The following ARHGAP26 variants were observed in gnomAD, a reference collection of about 807,000 sequenced individuals.
The protein encoded by ARHGAP26 is Rho GTPase activating protein 26.
ARHGAP26 carries 38 observed loss-of-function variants against 104.8 expected under a neutral mutation model. The ratio of observed to expected loss-of-function variants is 0.36; its 90% CI spans 0.28 to 0.48. ARHGAP26 has a LOEUF of 0.48. Ranked by LOEUF, ARHGAP26 falls within the 20% of genes least tolerant of loss-of-function variation. The pLI is 0.99. For synonymous variants in ARHGAP26, 341 were observed against 340.0 expected (o/e 1.00, Z -0.03); for missense variants, 704 against 947.9 (o/e 0.74, Z 3.38).
chr5:143,214,345 G>A (rs528361338), intron 22 of ARHGAP26, among the ~76,000 whole-genome samples: 1 of 152,322 alleles, frequency 6.6e-6, no homozygotes, highest in African/African-American at 2.4e-5. Flanking sequence ...CACTGTAAAT[G>A]AGATTGTGCC....
intron 17 of ARHGAP26, among the ~76,000 whole-genome samples, chr5:143,085,816 C>A (rs1372248730): frequency 6.6e-6 from 1 of 152,214 alleles, no homozygotes; most frequent in African/African-American, 2.4e-5. Context: ...ACCTCCTTAA[C>A]CGAAAGAATG....
At chr5:142,823,154 G>C (rs772926804) in intron 1 of ARHGAP26, among the ~76,000 whole-genome samples, 7 of 152,176 alleles carry the variant, frequency 4.6e-5, no homozygotes, top group Non-Finnish European at 1.0e-4. Context: ...AGCTGGTGAA[G>C]GTGGAGCTGA....
intron 11 of ARHGAP26, among the ~76,000 whole-genome samples, chr5:142,950,480 T>C (rs1409680110): frequency 6.6e-6 from 1 of 152,192 alleles, no homozygotes; most frequent in East Asian, 1.9e-4. Context: ...GCATGTTCTT[T>C]TTCCTAAACA....
At chr5:143,071,362 A>C (rs983159363) in intron 17 of ARHGAP26, among the ~76,000 whole-genome samples, 2 of 152,238 alleles carry the variant, frequency 1.3e-5, no homozygotes, top group Admixed American at 1.3e-4. Context: ...GGTGCCAAGA[A>C]TACTTACTGG....
intron 17 of ARHGAP26, among the ~76,000 whole-genome samples, chr5:143,111,672 C>T (rs762080745): frequency 2.0e-5 from 3 of 152,168 alleles, no homozygotes; most frequent in African/African-American, 4.8e-5. Context: ...TCTTAGAGAG[C>T]TATTAAATGT....
chr5:142,825,371 C>T (rs1412177848), intron 1 of ARHGAP26, among the ~76,000 whole-genome samples: 6 of 152,140 alleles, frequency 3.9e-5, no homozygotes, highest in Non-Finnish European at 7.3e-5. Context: ...CCCTTCCATC[C>T]ACTGTTGGAG....
intron 10 of ARHGAP26, among the ~76,000 whole-genome samples, chr5:142,923,601 A>C (rs942552803): frequency 2.0e-5 from 3 of 152,182 alleles, no homozygotes; most frequent in African/African-American, 7.2e-5. Flanking sequence ...CTGGCACATA[A>C]TAGGAACTCA....
intron 10 of ARHGAP26, among the ~76,000 whole-genome samples, chr5:142,918,436 C>T (rs1454366735): frequency 2.0e-5 from 3 of 152,222 alleles, no homozygotes; most frequent in Admixed American, 1.3e-4. Context: ...TGTGAGCCAC[C>T]GTGCCCGGCC....
chr5:143,146,558 A>G (rs141943486), intron 19 of ARHGAP26, among the ~76,000 whole-genome samples: 3 of 152,354 alleles, frequency 2.0e-5, no homozygotes, highest in African/African-American at 4.8e-5. Context: ...TGCTGGGACT[A>G]TGGACTCAAG....
At chr5:143,000,454 G>A (rs1006401735) in intron 11 of ARHGAP26, among the ~76,000 whole-genome samples, 8 of 152,168 alleles carry the variant, frequency 5.3e-5, no homozygotes, top group African/African-American at 1.7e-4. Context: ...AGGACTAAAG[G>A]TATTGGTTCA....
intron 20 of ARHGAP26, among the ~76,000 whole-genome samples, chr5:143,184,517 C>T (rs1427815460): frequency 6.6e-6 from 1 of 152,122 alleles, no homozygotes; most frequent in African/African-American, 2.4e-5. Flanking sequence ...CTCATTCATT[C>T]CCTTGCTATA....
At chr5:143,013,084 T>A (rs962822501) in intron 11 of ARHGAP26, among the ~76,000 whole-genome samples, 2 of 152,194 alleles carry the variant, frequency 1.3e-5, no homozygotes, top group Non-Finnish European at 2.9e-5. Flanking sequence ...AAGCCAAGCA[T>A]CATATTTACA....
chr5:142,937,570 C>T (rs1177319688), intron 11 of ARHGAP26, among the ~76,000 whole-genome samples: 4 of 152,150 alleles, frequency 2.6e-5, no homozygotes, highest in African/African-American at 4.8e-5. Flanking sequence ...GAAAACTGTT[C>T]GCACAAAAAC....
intron 1 of ARHGAP26, among the ~76,000 whole-genome samples, chr5:142,814,189 A>T (rs1040520956): frequency 6.6e-6 from 1 of 152,248 alleles, no homozygotes; most frequent in African/African-American, 2.4e-5. Context: ...TGTTGATAGT[A>T]AAAGTGTGAT....
chr5:143,121,386 AATTG>A (rs971800314), intron 18 of ARHGAP26, among the ~76,000 whole-genome samples: 3 of 152,276 alleles, frequency 2.0e-5, no homozygotes, highest in South Asian at 4.1e-4. Context: ...TGGTGGGTAA[AATTG>A]ATTGAGCATT....
chr5:142,979,826 G>A (rs1349768788), intron 11 of ARHGAP26, among the ~76,000 whole-genome samples: 1 of 152,234 alleles, frequency 6.6e-6, no homozygotes, highest in Non-Finnish European at 1.5e-5. Context: ...CCAGAGGGGA[G>A]GGCGGAGTAT....
At chr5:143,004,921 A>G (rs1777722440) in intron 11 of ARHGAP26, among the ~76,000 whole-genome samples, 1 of 152,220 alleles carries the variant, frequency 6.6e-6, no homozygotes, top group South Asian at 2.1e-4. Context: ...AAGACATATG[A>G]AAGTAATAGA....
Position 143,054,505 on chromosome 5 carries a change from G to C in ARHGAP26, c.1352G>C (p.Ser451Thr). Residue 451 changes from serine to threonine, a missense_variant, in exon 15 of 23, where the codon AGT becomes ACT. Ser to Thr is a moderately conservative substitution (Grantham distance 58). This residue lies in a region of ARHGAP26 where 287 missense variants were observed against 438.8 expected (regional missense o/e 0.65). Transcript: ENST00000645722. The part of the protein sequence containing the change: ...CAEWEIKTIT[S>T]ALKTYLRMLP... ...GAATGGGAGATAAAGACCATCACTA[G>C]TGCTCTGAAGACCTACCTAAGGTAG... 1 of 1,613,004 alleles carries C rather than the reference G, an allele frequency of 6.2e-7. No homozygotes were observed. The highest frequency in any genetic ancestry group is 8.5e-7 in the Non-Finnish European group (1 of 1,179,370).
At chr5:142,910,320 C>G (rs1250654339) in intron 9 of ARHGAP26, among the ~76,000 whole-genome samples, 1 of 152,208 alleles carries the variant, frequency 6.6e-6, no homozygotes, top group Non-Finnish European at 1.5e-5. Context: ...ACTCATTATA[C>G]TTCCCATGAC....
Sources: gnomAD v4.1 joint callset for allele counts (sites outside exome capture counted in the v4.1 genomes callset) on GRCh38, gnomAD v4.1.1 for gene constraint, gnomAD v4.1.1 regional missense constraint, MANE v1.5 for transcripts, NCBI Gene and HGNC (gene_info 2026-07-23, HGNC 2026-07-21) for gene names.